CDH12: variants seen among roughly 807,000 people sequenced by gnomAD.
CDH12 encodes the protein cadherin-12.
A neutral mutation model predicts 74.1 loss-of-function variants in CDH12; 41 were observed. That is an observed-to-expected ratio of 0.55 (90% confidence interval 0.43 to 0.72). The LOEUF (loss-of-function observed/expected upper bound fraction) is 0.72. Ranked by LOEUF, CDH12 falls within the 30% of genes least tolerant of loss-of-function variation. CDH12 has a pLI of 0.00. For missense variants in CDH12, 945 were observed against 977.2 expected (o/e 0.97, Z 0.44); for synonymous variants, 399 against 355.0 (o/e 1.12, Z -1.39).
intron 3 of CDH12, among the ~76,000 whole-genome samples, chr5:22,404,703 G>A (rs1396989036): frequency 1.3e-5 from 2 of 152,100 alleles, no homozygotes; most frequent in Non-Finnish European, 2.9e-5. Flanking sequence ...TAATTACAAA[G>A]GAAGTATGTG....
At chr5:22,230,495 A>G (rs1752344594) in intron 3 of CDH12, among the ~76,000 whole-genome samples, 1 of 138,876 alleles carries the variant, frequency 7.2e-6, no homozygotes, top group South Asian at 2.2e-4. Context: ...TTTTTTTGAC[A>G]GAGTCTCTCT....
chr5:22,266,549 T>G (rs1472246352), intron 3 of CDH12, among the ~76,000 whole-genome samples: 1 of 152,164 alleles, frequency 6.6e-6, no homozygotes, highest in African/African-American at 2.4e-5. Flanking sequence ...TTTTTTCTTG[T>G]ATATCACCAC....
intron 1 of CDH12, among the ~76,000 whole-genome samples, chr5:22,793,393 C>T (rs1026614166): frequency 1.3e-5 from 2 of 152,172 alleles, no homozygotes; most frequent in African/African-American, 4.8e-5. Context: ...GTGATTATAA[C>T]TACTTTATAG....
At chr5:22,494,109 T>C (rs1239127187) in intron 2 of CDH12, among the ~76,000 whole-genome samples, 2 of 152,184 alleles carry the variant, frequency 1.3e-5, no homozygotes, top group Admixed American at 1.3e-4. Flanking sequence ...TGGTGTACAG[T>C]AAGTCCTCAG....
chr5:22,119,168 T>C (rs1745346860), intron 4 of CDH12, among the ~76,000 whole-genome samples: 1 of 152,098 alleles, frequency 6.6e-6, no homozygotes, highest in African/African-American at 2.4e-5. Flanking sequence ...CTTGCTCAGT[T>C]TAAGTCCTCT....
At position 22,099,201 on chromosome 5, in the gene CDH12, C is replaced by G. The variant is rs113516152; in HGVS notation, c.-186-20339G>C. On this transcript the variant is annotated intron_variant, in intron 4 of 14. Transcript: ENST00000382254. ...CTGTCATTTCTTCCCTTCTCTCAGACATAATTCCTCAGTTTGGCCTTCCCA... is the reference window on the plus strand; with the variant it reads ...CTGTCATTTCTTCCCTTCTCTCAGAGATAATTCCTCAGTTTGGCCTTCCCA... 6.0e-3 allele frequency among the ~76,000 whole-genome samples: 919 copies of G among 152,278 alleles called. 11 individuals carry two copies. The highest frequency in any genetic ancestry group is 0.021 in the African/African-American group (883 of 41,562).
At chr5:22,105,526 T>C (rs926330436) in intron 4 of CDH12, among the ~76,000 whole-genome samples, 2 of 151,128 alleles carry the variant, frequency 1.3e-5, no homozygotes, top group Admixed American at 6.6e-5. Flanking sequence ...GGTGAAACCC[T>C]GTCTCTACTA....
intron 11 of CDH12, among the ~76,000 whole-genome samples, chr5:21,769,754 G>C (rs1420403639): frequency 6.6e-6 from 1 of 152,094 alleles, no homozygotes; most frequent in East Asian, 1.9e-4. Context: ...ATTCTTCGTA[G>C]TGCTACGTGG....
intron 1 of CDH12, among the ~76,000 whole-genome samples, chr5:22,739,378 T>TCA (rs1744905248): frequency 6.6e-6 from 1 of 151,986 alleles, no homozygotes; most frequent in Non-Finnish European, 1.5e-5. Context: ...AAAATATATG[T>TCA]CAATGAATGT....
chr5:22,846,221 T>C (rs1737295062), intron 1 of CDH12, among the ~76,000 whole-genome samples: 1 of 152,080 alleles, frequency 6.6e-6, no homozygotes, highest in Non-Finnish European at 1.5e-5. Context: ...GGGGCAGAAA[T>C]GAAAAGTCTG....
intron 9 of CDH12, among the ~76,000 whole-genome samples, chr5:21,803,379 C>T (rs377659656): frequency 1.6e-4 from 24 of 151,780 alleles, no homozygotes; most frequent in South Asian, 8.3e-4. Flanking sequence ...AAATTATGGG[C>T]GCGGTAACAC....
chr5:22,146,180 C>T (rs887713388), intron 4 of CDH12, among the ~76,000 whole-genome samples: 6 of 151,868 alleles, frequency 4.0e-5, no homozygotes, highest in African/African-American at 9.7e-5. Context: ...CTCTTAGTAG[C>T]CATCATAATA....
intron 8 of CDH12, among the ~76,000 whole-genome samples, chr5:21,837,522 G>A (rs1749606285): frequency 6.7e-6 from 1 of 149,658 alleles, no homozygotes; most frequent in Admixed American, 6.7e-5. Context: ...AATATAGTTA[G>A]TTGTGGGAAA....
intron 1 of CDH12, among the ~76,000 whole-genome samples, chr5:22,681,773 A>G (rs1306945572): frequency 6.6e-6 from 1 of 152,062 alleles, no homozygotes; most frequent in Non-Finnish European, 1.5e-5. Flanking sequence ...GTAATTTCTT[A>G]CGCTAGGTTT....
At chr5:22,503,769 G>C (rs1402987653) in intron 2 of CDH12, among the ~76,000 whole-genome samples, 2 of 152,000 alleles carry the variant, frequency 1.3e-5, no homozygotes, top group Non-Finnish European at 2.9e-5. Context: ...GGAGGAGTAT[G>C]AGTCTCTTCT....
intron 6 of CDH12, among the ~76,000 whole-genome samples, chr5:21,945,289 A>G (rs1027833073): frequency 6.6e-6 from 1 of 151,806 alleles, no homozygotes; most frequent in Non-Finnish European, 1.5e-5. Context: ...AGCCGGGTGC[A>G]TTGGCACATG....
At chr5:22,024,945 C>A (rs539915465) in intron 5 of CDH12, among the ~76,000 whole-genome samples, 329 of 152,140 alleles carry the variant, frequency 2.2e-3, no homozygotes, top group Non-Finnish European at 3.5e-3. Flanking sequence ...TATAGAAACC[C>A]ACCTAAAAAA....
At chr5:22,489,997 C>A (rs1035463205) in intron 2 of CDH12, among the ~76,000 whole-genome samples, 1 of 152,188 alleles carries the variant, frequency 6.6e-6, no homozygotes, top group Non-Finnish European at 1.5e-5. Flanking sequence ...AAATGTATGA[C>A]AAGTCCTACT....
Position 22,588,183 on chromosome 5 carries a change from T to G in CDH12, c.-522-82819A>C, listed in dbSNP as rs190071129. ...TATAAATATACATAATTACAATTAGTTGCCAAACTAATGTGTAGAAATGGA... is the reference window on the plus strand; with the variant it reads ...TATAAATATACATAATTACAATTAGGTGCCAAACTAATGTGTAGAAATGGA... On this transcript the variant is annotated intron_variant, in intron 1 of 14. Transcript: ENST00000382254. Among the ~76,000 whole-genome samples, 89 of 151,930 alleles carry G rather than the reference T, an allele frequency of 5.9e-4. 1 individual carries two copies. Among genetic ancestry groups the G allele is most frequent in the African/African-American group, 2.1e-3 (88 of 41,506 alleles).
Sources: allele counts gnomAD v4.1 joint callset (sites outside exome capture counted in the v4.1 genomes callset), GRCh38; gene constraint gnomAD v4.1.1; transcripts MANE v1.5; gene names NCBI Gene and HGNC (gene_info 2026-07-23, HGNC 2026-07-21).